KXD1: variants seen among roughly 807,000 people sequenced by gnomAD.
KXD1 encodes KxDL motif containing 1.
Under a neutral mutation model 12.1 loss-of-function variants are expected in KXD1, and 5 were observed. That is an observed-to-expected ratio of 0.41 (90% CI 0.22 to 0.87). The LOEUF (loss-of-function observed/expected upper bound fraction) is 0.87, where lower values mean the gene tolerates loss of function less well. Among genes scored for constraint, KXD1 ranks in the 40% least tolerant of loss-of-function variants. The pLI is 0.31. For synonymous variants in KXD1, 98 were observed against 100.5 expected (o/e 0.98, Z 0.15); for missense variants, 193 against 244.9 (o/e 0.79, Z 1.41).
rs1262713771 is a variant in KXD1 at position 18,562,135 on chromosome 19, A to G, written c.79A>G (p.Ile27Val). 1 of 1,611,492 alleles carries G rather than the reference A, an allele frequency of 6.2e-7. No individual in the cohort carries two copies. The highest frequency in any genetic ancestry group is 8.5e-7 in the Non-Finnish European group (1 of 1,178,746). The change falls in exon 2 of 5, where the codon ATC (isoleucine) becomes GTC (valine). Residue 27 changes from isoleucine (I) to valine (V), a missense_variant. Transcript: ENST00000222307. ...SMVNTDDVNA[I>V]ILAQKNMLDR... is the part of the protein sequence containing the mutation. ...GGTGAACACAGATGATGTCAACGCC[A>G]TCATCCTGGCCCAGAAGAACATGTG...
chr19:18,567,530 C>A (rs114778376), intron 4 of KXD1, among the ~76,000 whole-genome samples: 1 of 152,182 alleles, frequency 6.6e-6, no homozygotes, highest in African/African-American at 2.4e-5. Context: ...GCCCCAGCTT[C>A]GAGGATCTGT....
intron 1 of KXD1, chr19:18,559,885 T>G (rs1332239955): frequency 6.8e-6 from 1 of 148,046 alleles, no homozygotes; most frequent in Non-Finnish European, 1.5e-5. Context: ...CTTTCCTTTC[T>G]TTCTCTCTTT....
rs999807807 is a variant in KXD1, at chr19:18,568,624, G to A, written c.524G>A (p.Gly175Asp). The A allele has an allele frequency of 1.9e-6, 3 of 1,609,104 alleles. No homozygotes were observed. Among genetic ancestry groups the A allele is most frequent in the African/African-American group, 2.7e-5 (2 of 74,918 alleles). Residue 175 changes from glycine to aspartate, a missense_variant, in exon 5 of 5, where the codon GGC becomes GAC. Coordinates refer to ENST00000222307, the MANE Select transcript of KXD1 (RefSeq NM_024069.4). ...RSQTDDEEMT[G>D]E ...CAGACAGATGACGAGGAGATGACGG[G>A]CGAATAGCCCTGCTGCCCGGTGCCT...
intron 3 of KXD1, among the ~76,000 whole-genome samples, chr19:18,566,592 A>G (rs1329703334): frequency 6.6e-6 from 1 of 151,998 alleles, no homozygotes; most frequent in African/African-American, 2.4e-5. Context: ...GAAGTTTGAG[A>G]CCAGCCTGGC....
At chr19:18,568,274 A>AG in intron 4 of KXD1, 128 bp from the exon 5 acceptor site, 2 of 680,692 alleles carry the variant, frequency 2.9e-6, no homozygotes, top group East Asian at 5.1e-5. Context: ...TCAAAAAAAA[A>AG]AAAAAAAAAG....
chr19:18,562,766 T>C (rs1391211954), intron 2 of KXD1, among the ~76,000 whole-genome samples: 1 of 152,256 alleles, frequency 6.6e-6, no homozygotes, highest in Non-Finnish European at 1.5e-5. Flanking sequence ...CTGGCCTTTA[T>C]GCAGGTTTTA....
chr19:18,559,825 C>T (rs2145214135), intron 1 of KXD1: 1 of 152,290 alleles, frequency 6.6e-6, no homozygotes, highest in East Asian at 1.9e-4. Flanking sequence ...AGAGTAGCTG[C>T]TGAATAAATG....
intron 1 of KXD1, chr19:18,558,834 G>A (rs1977019306): frequency 6.6e-6 from 1 of 152,222 alleles, no homozygotes; most frequent in Admixed American, 6.6e-5. Flanking sequence ...GGGGACGGGA[G>A]GGAGGTGCCA....
chr19:18,566,277 C>A lies in KXD1; in HGVS notation c.255-855C>A, dbSNP rs537669306. Among the ~76,000 whole-genome samples, 487 of 151,856 alleles carry A rather than the reference C, an allele frequency of 3.2e-3. 3 individuals are homozygous for A. The highest frequency in any genetic ancestry group is 0.011 in the African/African-American group (468 of 41,472). On this transcript the variant is annotated intron_variant, in intron 3 of 4. Coordinates refer to ENST00000222307, the MANE Select transcript of KXD1 (RefSeq NM_024069.4). ...CATCCCGGCTAACATGGTGAAACCC[C>A]GTCTCTACTAAAAATACAAAAAATA... is the stretch of plus-strand genomic sequence containing the variant.
At chr19:18,558,848 A>G (rs1423363504) in intron 1 of KXD1, 2 of 151,634 alleles carry the variant, frequency 1.3e-5, no homozygotes, top group Non-Finnish European at 2.9e-5. Context: ...GGTGCCAGGA[A>G]CCCCTCAGCC....
At chr19:18,559,987 TCCTTCCCTCCCTCCCTC>T (rs1018542718) in intron 1 of KXD1, 4 of 113,016 alleles carry the variant, frequency 3.5e-5, no homozygotes, top group African/African-American at 1.6e-4. Flanking sequence ...CTCCCTTCCT[TCCTTCCCTCCCTCCCTC>T]CCTTCCTTCC....
intron 1 of KXD1, chr19:18,558,204 G>C (rs1395650961): frequency 6.6e-6 from 1 of 152,386 alleles, no homozygotes; most frequent in Non-Finnish European, 1.5e-5. Flanking sequence ...TGCCCGGTTT[G>C]TGCCTCAGTT....
chr19:18,565,147 C>G lies in KXD1; in HGVS notation c.254+126C>G, dbSNP rs749303705. 41 of 1,484,538 alleles carry G rather than the reference C, an allele frequency of 2.8e-5. 1 individual carries two copies. The African/African-American group carries it at 4.2e-4, about 15-fold the overall frequency. 92.0% of individuals were successfully genotyped at this position (1,484,538 alleles called of 1,614,324 possible). A position where few individuals can be genotyped will look rare whatever the true frequency, so the allele number is the denominator to read the frequency against. ...TTGTTTTACAAGGCTTCACTGCGCA[C>G]TTAAGTGTCTGGGACAATTCCAACC... On this transcript the variant is annotated intron_variant, in intron 3 of 4. Coordinates refer to ENST00000222307, the MANE Select transcript of KXD1 (RefSeq NM_024069.4).
chr19:18,565,144 G>T (rs756312095), intron 3 of KXD1, 123 bp downstream of exon 3: 2 of 1,486,936 alleles, frequency 1.3e-6, no homozygotes, highest in African/African-American at 1.4e-5. Context: ...GCTTCACTGC[G>T]CACTTAAGTG....
intron 4 of KXD1, chr19:18,567,381 C>T (rs1287179228): frequency 1.7e-5 from 11 of 649,944 alleles, no homozygotes; most frequent in East Asian, 1.1e-4. Flanking sequence ...GACGGGAGTC[C>T]GTGCCCCGTG....
At chr19:18,566,653 C>G (rs1975251466) in intron 3 of KXD1, among the ~76,000 whole-genome samples, 1 of 151,950 alleles carries the variant, frequency 6.6e-6, no homozygotes, top group South Asian at 2.1e-4. Context: ...ATCAGCTGAG[C>G]ATGGTGGCAC....
intron 2 of KXD1, among the ~76,000 whole-genome samples, chr19:18,563,616 G>C (rs1421508808): frequency 6.6e-6 from 1 of 151,972 alleles, no homozygotes; most frequent in Admixed American, 6.6e-5. Context: ...CGATTCTACT[G>C]CCTCAGCCTT....
chr19:18,558,499 C>T (rs1352934594), intron 1 of KXD1: 1 of 152,180 alleles, frequency 6.6e-6, no homozygotes, highest in African/African-American at 2.4e-5. Flanking sequence ...CTGGGATGCT[C>T]TCAAAATGTT....
rs780289049 is a variant in KXD1 at position 18,565,146 on chromosome 19, A to T, written c.254+125A>T. 9 of 1,486,256 alleles carry T rather than the reference A, an allele frequency of 6.1e-6. No individual in the cohort carries two copies. The Admixed American group carries it at 2.1e-4, about 34-fold the overall frequency. 92.1% of individuals were successfully genotyped at this position (1,486,256 alleles called of 1,614,324 possible). A position where few individuals can be genotyped will look rare whatever the true frequency, so the allele number is the denominator to read the frequency against. On this transcript the variant is annotated intron_variant, in intron 3 of 4. Transcript: ENST00000222307. ...TTTGTTTTACAAGGCTTCACTGCGC[A>T]CTTAAGTGTCTGGGACAATTCCAAC...
Sources: gnomAD v4.1 joint callset for allele counts (sites outside exome capture counted in the v4.1 genomes callset) on GRCh38, gnomAD v4.1.1 for gene constraint, MANE v1.5 for transcripts, NCBI Gene and HGNC (gene_info 2026-07-23, HGNC 2026-07-21) for gene names.